The following IFFO1 variants were observed in gnomAD, a reference collection of about 807,000 sequenced individuals.
The protein encoded by IFFO1 is non-homologous end joining factor IFFO1.
IFFO1 carries 42 observed loss-of-function variants against 59.6 expected under a neutral mutation model. That is an observed-to-expected ratio of 0.70 (90% CI 0.55 to 0.91). IFFO1 has a LOEUF of 0.91. Among genes scored for constraint, IFFO1 ranks in the 40% least tolerant of loss-of-function variants. IFFO1 has a pLI of 0.00. For synonymous variants in IFFO1, 336 were observed against 342.8 expected (o/e 0.98, Z 0.22); for missense variants, 711 against 793.2 (o/e 0.90, Z 1.24).
rs759969842 is a variant in IFFO1, at chr12:6,548,772, G to A, written c.1158C>T (p.Asp386=). Residue 386 remains aspartate (D), a synonymous_variant, in exon 6 of 10, where the codon GAC becomes GAT. Coordinates refer to ENST00000619571, the MANE Select transcript of IFFO1 (RefSeq NM_001193457.2). The surrounding 1 kb of genome is among the most constrained non-coding windows in gnomAD (Gnocchi z 6.1). ...KRERKAAVEE[D]TSLSESEGPR... ...GCCCCTCACTCTCCGACAGGGAGGT[G>A]TCCTCCTCGACGGCAGCCTTGCGCT... 16 of 1,613,880 alleles carry A rather than the reference G, an allele frequency of 9.9e-6. No homozygotes were observed. The Middle Eastern group carries it at 9.9e-4, about 99-fold the overall frequency.
rs1946734110 is a variant in IFFO1, at chr12:6,541,864, A to G, written c.1480-222T>C. 6.6e-6 allele frequency among the ~76,000 whole-genome samples: 1 copy of G among 152,220 alleles called. No homozygotes were observed. The highest frequency in any genetic ancestry group is 2.4e-5 in the African/African-American group (1 of 41,470). ...CCTGGAAATCTTTGCCTATGGAGGA[A>G]TGCAAAGGTACTGCTGCAGGCTGTG... On this transcript the variant is annotated intron_variant, in intron 8 of 9. Transcript: ENST00000619571. The surrounding 1 kb of genome is among the most constrained non-coding windows in gnomAD (Gnocchi z 4.8).
rs371885340 is a variant in IFFO1 at position 6,541,558 on chromosome 12, C to T, written c.1564G>A (p.Val522Met). The T allele has an allele frequency of 1.4e-5, 22 of 1,614,066 alleles. No homozygotes were observed. Among genetic ancestry groups the T allele is most frequent in the East Asian group, 4.5e-5 (2 of 44,892 alleles). The change falls in exon 9 of 10, where the codon GTG becomes ATG. Residue 522 changes from valine to methionine, a missense_variant. Val to Met is a conservative substitution (Grantham distance 21). Transcript: ENST00000619571. This position sits in a 1 kb window ranked among gnomAD's most constrained non-coding sequence, Gnocchi z 4.8. ...EMCSMKRGLDVQMETCRRLIT... is the reference protein window; with the variant it reads ...EMCSMKRGLDMQMETCRRLIT... ...AGCCGGCGGCAGGTCTCCATCTGCA[C>T]GTCCAGGCCGCGCTTCATGCTGCAC... is the stretch of plus-strand genomic sequence containing the variant.
Position 6,555,545 on chromosome 12 carries a change from G to A in IFFO1, c.485C>T (p.Ser162Phe). ...SARVLGSPARSPAGPLAPSAA... is the reference protein window; with the variant it reads ...SARVLGSPARFPAGPLAPSAA... ...GGAGGGCGCGAGGGGGCCGGCCGGG[G>A]AGCGCGCGGGCGAGCCCAGCACGCG... Residue 162 changes from serine to phenylalanine, a missense_variant, in exon 1 of 10, where the codon TCC becomes TTC. Physicochemically the swap from Ser to Phe is radical, Grantham distance 155. Transcript: ENST00000619571. The surrounding 1 kb of genome is among the most constrained non-coding windows in gnomAD (Gnocchi z 8.6). 1.3e-6 allele frequency: 2 copies of A among 1,533,580 alleles called. No individual in the cohort carries two copies. The highest frequency in any genetic ancestry group is 1.2e-5 in the South Asian group (1 of 82,728). The allele number at this position is 1,533,580 out of a possible 1,614,324, so 95.0% of individuals were successfully genotyped here.
At chr12:6,547,065 T>C (rs1055849855) in intron 8 of IFFO1, among the ~76,000 whole-genome samples, 1 of 152,206 alleles carries the variant, frequency 6.6e-6, no homozygotes, top group Non-Finnish European at 1.5e-5. Context: ...CATTATTTCA[T>C]CTGATCTTCT....
chr12:6,546,124 C>T (rs758996288), intron 8 of IFFO1, among the ~76,000 whole-genome samples: 28 of 152,222 alleles, frequency 1.8e-4, no homozygotes, highest in Admixed American at 2.6e-4. Context: ...CCACAGCGCA[C>T]GCTAAGTGCT....
Position 6,548,289 on chromosome 12 carries a change from A to G in IFFO1, c.1384-129T>C. ...AAGAAACTGGAGAAAGAAAAGCAAAAGGATAAAGGAAGAGGGGAGACGCAG... is the reference window on the plus strand; with the variant it reads ...AAGAAACTGGAGAAAGAAAAGCAAAGGGATAAAGGAAGAGGGGAGACGCAG... On this transcript the variant is annotated intron_variant, in intron 7 of 9. Transcript: ENST00000619571. This position sits in a 1 kb window ranked among gnomAD's most constrained non-coding sequence, Gnocchi z 6.1. The G allele has an allele frequency of 2.2e-6, 3 of 1,333,536 alleles. No individual in the cohort carries two copies. The highest frequency in any genetic ancestry group is 3.2e-6 in the Non-Finnish European group (3 of 937,014). 82.6% of individuals were successfully genotyped at this position (1,333,536 alleles called of 1,614,324 possible).
intron 8 of IFFO1, among the ~76,000 whole-genome samples, chr12:6,546,464 G>T (rs898044057): frequency 2.0e-5 from 3 of 152,238 alleles, no homozygotes; most frequent in African/African-American, 7.2e-5. Flanking sequence ...CCTCCATTCT[G>T]TGGTTCCACA....
At position 6,555,812 on chromosome 12, in the gene IFFO1, T is replaced by A; in HGVS notation, c.218A>T (p.Asn73Ile). 1 of 1,612,062 alleles carries A rather than the reference T, an allele frequency of 6.2e-7. No homozygotes were observed. The highest frequency in any genetic ancestry group is 8.5e-7 in the Non-Finnish European group (1 of 1,179,094). ...GTTCAGGGTCTTGAGCACGTTGATGTTGGAGCCCAGGTCATTGCGGAGGGC... is the reference window on the plus strand; with the variant it reads ...GTTCAGGGTCTTGAGCACGTTGATGATGGAGCCCAGGTCATTGCGGAGGGC... ...AMALRNDLGSNINVLKTLNLR... is the reference protein window; with the variant it reads ...AMALRNDLGSIINVLKTLNLR... The change falls in exon 1 of 10, where the codon AAC (asparagine) becomes ATC (isoleucine). Residue 73 changes from asparagine (N) to isoleucine (I), a missense_variant. This residue lies in a region of IFFO1 where 114 missense variants were observed against 102.4 expected (regional missense o/e 1.11). Transcript: ENST00000619571. This position sits in a 1 kb window ranked among gnomAD's most constrained non-coding sequence, Gnocchi z 8.6.
chr12:6,548,545 C>T lies in IFFO1; in HGVS notation c.1263G>A (p.Leu421=), dbSNP rs1441102043. ...NEEMQRMLNQ[L]REYDFEDDCD... is the part of the protein sequence containing the mutation. ...AGTCGTCCTCAAAATCATACTCCCTCCTAGAGACAGGGAACCCGGGTGTCA... is the reference window on the plus strand; with the variant it reads ...AGTCGTCCTCAAAATCATACTCCCTTCTAGAGACAGGGAACCCGGGTGTCA... Residue 421 remains leucine, a splice_region_variant and synonymous_variant, in exon 7 of 10, where the codon CTG becomes CTA. Coordinates refer to ENST00000619571, the MANE Select transcript of IFFO1 (RefSeq NM_001193457.2). This position sits in a 1 kb window ranked among gnomAD's most constrained non-coding sequence, Gnocchi z 6.1. The T allele has an allele frequency of 1.2e-6, 2 of 1,613,748 alleles. No homozygotes were observed. The highest frequency in any genetic ancestry group is 3.3e-5 in the Admixed American group (2 of 60,014).
intron 8 of IFFO1, among the ~76,000 whole-genome samples, chr12:6,542,125 C>A (rs969126026): frequency 6.6e-6 from 1 of 152,220 alleles, no homozygotes; most frequent in South Asian, 2.1e-4. Context: ...TCTCTGTGAC[C>A]CGTGGCATAC....
At position 6,555,666 on chromosome 12, in the gene IFFO1, G is replaced by A. The variant is rs947213823; in HGVS notation, c.364C>T (p.Arg122Cys). 6 of 1,603,462 alleles carry A rather than the reference G, an allele frequency of 3.7e-6. No individual in the cohort carries two copies. The highest frequency in any genetic ancestry group is 5.1e-6 in the Non-Finnish European group (6 of 1,176,346). ...AAGCCGGTCTGCACTGCCTGGTCGC[G>A]ACGACCCAGGCCCCGCCGGCCCTGC... ...GKQGRRGLGR[R>C]DQAVQTGFVS... is the part of the protein sequence containing the mutation. The change falls in exon 1 of 10, where the codon CGC (arginine) becomes TGC (cysteine). Residue 122 changes from arginine to cysteine, a missense_variant. Arg to Cys is a radical substitution (Grantham distance 180, BLOSUM62 -3). This residue lies in a region of IFFO1 where 579 missense variants were observed against 650.3 expected (regional missense o/e 0.89). Coordinates refer to ENST00000619571, the MANE Select transcript of IFFO1 (RefSeq NM_001193457.2). This position sits in a 1 kb window ranked among gnomAD's most constrained non-coding sequence, Gnocchi z 8.6.
In IFFO1 at chr12:6,555,279, C is replaced by T. The variant is rs1217199992; in HGVS notation, c.751G>A (p.Glu251Lys). The T allele has an allele frequency of 1.2e-6, 2 of 1,614,202 alleles. No homozygotes were observed. Among genetic ancestry groups the T allele is most frequent in the South Asian group, 1.1e-5 (1 of 91,090 alleles). ...TACCTCCGCTTGTACTCGTCCCGCTCCCGCTTCACTTTGGCCAGCACGTTG... is the reference window on the plus strand; with the variant it reads ...TACCTCCGCTTGTACTCGTCCCGCTTCCGCTTCACTTTGGCCAGCACGTTG... ...LYNVLAKVKR[E>K]RDEYKRRWEE... The change falls in exon 1 of 10, where the codon GAG becomes AAG. Residue 251 changes from glutamate to lysine, a missense_variant. Glu to Lys is a moderately conservative substitution (Grantham distance 56, BLOSUM62 1). Coordinates refer to ENST00000619571, the MANE Select transcript of IFFO1 (RefSeq NM_001193457.2). This position sits in a 1 kb window ranked among gnomAD's most constrained non-coding sequence, Gnocchi z 8.6.
Position 6,555,042 on chromosome 12 carries a change from C to T in IFFO1, c.773+215G>A, listed in dbSNP as rs1003389967. 4.6e-5 allele frequency among the ~76,000 whole-genome samples: 7 copies of T among 152,238 alleles called. No individual in the cohort carries two copies. Among genetic ancestry groups the T allele is most frequent in the African/African-American group, 1.7e-4 (7 of 41,462 alleles). On this transcript the variant is annotated intron_variant, in intron 1 of 9. Coordinates refer to ENST00000619571, the MANE Select transcript of IFFO1 (RefSeq NM_001193457.2). The surrounding 1 kb of genome is among the most constrained non-coding windows in gnomAD (Gnocchi z 8.6). ...GAAAAGTAGGAATCCCCCCGTGTTC[C>T]GCTCCCAGCGTCCTTCTTCCTGTCA...
At chr12:6,553,376 G>T (rs543273978) in intron 1 of IFFO1, among the ~76,000 whole-genome samples, 4 of 152,192 alleles carry the variant, frequency 2.6e-5, no homozygotes, top group African/African-American at 9.7e-5. Flanking sequence ...CTGTGGTTAT[G>T]GATGTATTCC....
At position 6,549,262 on chromosome 12, in the gene IFFO1, C is replaced by T. The variant is rs572738034; in HGVS notation, c.1080+214G>A. On this transcript the variant is annotated intron_variant, in intron 5 of 9. Coordinates refer to ENST00000619571, the MANE Select transcript of IFFO1 (RefSeq NM_001193457.2). This position sits in a 1 kb window ranked among gnomAD's most constrained non-coding sequence, Gnocchi z 5.0. ...GTACAAAAGAGAACCTGAATCACAT[C>T]CAGATCTGGAAAGCCGGGGGAGAAG... 195 of 639,080 alleles carry T rather than the reference C, an allele frequency of 3.1e-4. 1 individual carries two copies. Among genetic ancestry groups the T allele is most frequent in the Non-Finnish European group, 2.8e-4 (101 of 359,974 alleles). 39.6% of individuals were successfully genotyped at this position (639,080 alleles called of 1,614,324 possible). A position where few individuals can be genotyped will look rare whatever the true frequency, so the allele number is the denominator to read the frequency against.
Position 6,548,725 on chromosome 12 carries a change from TCATCCC to T in IFFO1, c.1199_1204del (p.Gly400_Asp401del). 1 of 1,614,034 alleles carries T rather than the reference TCATCCC, an allele frequency of 6.2e-7. No homozygotes were observed. The highest frequency in any genetic ancestry group is 8.5e-7 in the Non-Finnish European group (1 of 1,180,030). ...GATGCTGAGGGCTGTGCTCTCCTCCTCATCCCCATCGGGCTGGCGGGGCCCCTCACT... is the reference window on the plus strand; with the variant it reads ...GATGCTGAGGGCTGTGCTCTCCTCCTCATCGGGCTGGCGGGGCCCCTCACT... On this transcript the variant is annotated inframe_deletion, in exon 6 of 10. Transcript: ENST00000619571. The surrounding 1 kb of genome is among the most constrained non-coding windows in gnomAD (Gnocchi z 6.1).
At chr12:6,546,563 A>G (rs1045191076) in intron 8 of IFFO1, among the ~76,000 whole-genome samples, 9 of 152,174 alleles carry the variant, frequency 5.9e-5, no homozygotes, top group African/African-American at 2.2e-4. Context: ...GGCTCACTGC[A>G]AGCTCCGCCT....
chr12:6,555,123 C>T lies in IFFO1; in HGVS notation c.773+134G>A. The T allele has an allele frequency of 1.1e-6, 1 of 890,132 alleles. No homozygotes were observed. Among genetic ancestry groups the T allele is most frequent in the Non-Finnish European group, 1.8e-6 (1 of 544,746 alleles). 55.1% of individuals were successfully genotyped at this position (890,132 alleles called of 1,614,324 possible). On this transcript the variant is annotated intron_variant, in intron 1 of 9. Coordinates refer to ENST00000619571, the MANE Select transcript of IFFO1 (RefSeq NM_001193457.2). This position sits in a 1 kb window ranked among gnomAD's most constrained non-coding sequence, Gnocchi z 8.6. ...CTAGTCTCCCTGCATCCAATTGCTT[C>T]CAAGCTCCTCATTACACAGCACAAA...
At chr12:6,546,096 G>A (rs946666116) in intron 8 of IFFO1, among the ~76,000 whole-genome samples, 8 of 152,320 alleles carry the variant, frequency 5.3e-5, no homozygotes, top group East Asian at 1.9e-4. Context: ...GTCACACCTC[G>A]AACTGCAAAA....
Sources: gnomAD v4.1 joint callset for allele counts (sites outside exome capture counted in the v4.1 genomes callset) on GRCh38, gnomAD v4.1.1 for gene constraint, gnomAD v4.1.1 regional missense constraint, Gnocchi (gnomAD v3.1) non-coding constraint, MANE v1.5 for transcripts, NCBI Gene and HGNC (gene_info 2026-07-23, HGNC 2026-07-21) for gene names.